The following SOX5 variants were observed in gnomAD, a reference collection of about 807,000 sequenced individuals.
The protein encoded by SOX5 is SRY-box transcription factor 5.
In SOX5, 9 loss-of-function variants were observed where a neutral mutation model predicts 92.0. The ratio of observed to expected loss-of-function variants is 0.10; its 90% CI spans 0.06 to 0.17. SOX5 has a LOEUF of 0.17. Among genes scored for constraint, SOX5 ranks in the 10% least tolerant of loss-of-function variants. The pLI is 1.00. For synonymous variants in SOX5, 344 were observed against 336.3 expected (o/e 1.02, Z -0.25); for missense variants, 642 against 944.5 (o/e 0.68, Z 4.20).
intron 10 of SOX5, among the ~76,000 whole-genome samples, chr12:23,574,705 C>CTACA: frequency 6.6e-6 from 1 of 152,244 alleles, no homozygotes; most frequent in African/African-American, 2.4e-5. Flanking sequence ...ACATTTTTTT[C>CTACA]TACAATCTAG....
intron 4 of SOX5, among the ~76,000 whole-genome samples, chr12:24,009,438 A>G (rs1035172551): frequency 6.6e-6 from 1 of 151,136 alleles, no homozygotes; most frequent in African/African-American, 2.4e-5. Context: ...CTATATTTTC[A>G]GGTGTAAAAT....
chr12:23,966,262 G>A (rs1246896061), intron 4 of SOX5, among the ~76,000 whole-genome samples: 1 of 132,816 alleles, frequency 7.5e-6, no homozygotes, highest in East Asian at 2.2e-4. Flanking sequence ...TAAAGGGCCT[G>A]TACTGACTTT....
chr12:24,060,983 A>G (rs1447845978), intron 4 of SOX5, among the ~76,000 whole-genome samples: 2 of 152,176 alleles, frequency 1.3e-5, no homozygotes. Flanking sequence ...ATGATCAAAC[A>G]TATTCAGATT....
chr12:23,978,237 T>C (rs776064267), intron 4 of SOX5, among the ~76,000 whole-genome samples: 1 of 152,198 alleles, frequency 6.6e-6, no homozygotes, highest in African/African-American at 2.4e-5. Flanking sequence ...TGTCTTTCAG[T>C]CATAAAAAAT....
intron 1 of SOX5, among the ~76,000 whole-genome samples, chr12:24,477,865 A>T (rs1377504530): frequency 1.3e-5 from 2 of 152,242 alleles, no homozygotes; most frequent in Admixed American, 1.3e-4. Context: ...TTACAAGCAC[A>T]GTTTCTTTCT....
chr12:23,584,215 T>C, intron 9 of SOX5, among the ~76,000 whole-genome samples: 1 of 151,884 alleles, frequency 6.6e-6, no homozygotes, highest in East Asian at 1.9e-4. Flanking sequence ...AAATACCACA[T>C]GAAGGCACGG....
intron 3 of SOX5, among the ~76,000 whole-genome samples, chr12:24,268,203 T>C (rs901608727): frequency 2.0e-5 from 3 of 152,070 alleles, no homozygotes; most frequent in African/African-American, 7.2e-5. Context: ...ACCCAGAAAA[T>C]AAGTCTAATA....
intron 4 of SOX5, among the ~76,000 whole-genome samples, chr12:24,102,689 T>C (rs1005863286): frequency 2.0e-5 from 3 of 152,236 alleles, no homozygotes; most frequent in African/African-American, 7.2e-5. Context: ...ACAGTTGCAT[T>C]AAAGTCTTCT....
intron 2 of SOX5, among the ~76,000 whole-genome samples, chr12:23,849,146 T>C (rs1331115286): frequency 1.3e-5 from 2 of 152,302 alleles, no homozygotes; most frequent in Non-Finnish European, 2.9e-5. Flanking sequence ...AAAGAAGAGA[T>C]TATATGAAAT....
Position 23,696,059 on chromosome 12 carries a change from A to G in SOX5, c.811-30495T>C, listed in dbSNP as rs111720197. ...TATATATTGCTGGACTTAGTTTGCT[A>G]ACATTGTAAAAAATTTTGCACCTAT... On this transcript the variant is annotated intron_variant, in intron 6 of 14. Transcript: ENST00000451604. 4.7e-3 allele frequency among the ~76,000 whole-genome samples: 712 copies of G among 151,994 alleles called. 6 individuals are homozygous for G. Among genetic ancestry groups the G allele is most frequent in the African/African-American group, 0.016 (677 of 41,476 alleles).
chr12:24,549,959 T>C (rs773370715), intron 1 of SOX5, among the ~76,000 whole-genome samples: 20 of 152,058 alleles, frequency 1.3e-4, no homozygotes, highest in Non-Finnish European at 2.4e-4. Context: ...AAGGGGAAAA[T>C]GCAAGCATCA....
Position 24,428,726 on chromosome 12 carries a change from C to CAAAAAAAAAAAAAAAAAAAAA in SOX5, c.-250-60108_-250-60088dup, listed in dbSNP as rs57964050. On this transcript the variant is annotated intron_variant, in intron 1 of 4. Transcript: ENST00000446891. ...GGCAACAGAGTGAGACTCTGTTTCT[C>CAAAAAAAAAAAAAAAAAAAAA]AAAAAAAAAAAAAAAAAAAAAAAAA... Among the ~76,000 whole-genome samples, 49 of 32,596 alleles carry CAAAAAAAAAAAAAAAAAAAAA rather than the reference C, an allele frequency of 1.5e-3. 8 individuals are homozygous for CAAAAAAAAAAAAAAAAAAAAA. Among genetic ancestry groups the CAAAAAAAAAAAAAAAAAAAAA allele is most frequent in the Non-Finnish European group, 2.1e-3 (42 of 19,602 alleles). The allele number at this position is 32,596 out of a possible 152,430, so 21.4% of individuals were successfully genotyped here. A position where few individuals can be genotyped will look rare whatever the true frequency, so the allele number is the denominator to read the frequency against.
At chr12:24,469,464 A>G (rs1337820039) in intron 1 of SOX5, among the ~76,000 whole-genome samples, 2 of 152,006 alleles carry the variant, frequency 1.3e-5, no homozygotes, top group African/African-American at 4.8e-5. Context: ...CTCTTTATTT[A>G]CGGGTTGGGT....
In SOX5 at chr12:23,539,359, C is replaced by T. The variant is rs1941394034; in HGVS notation, c.1772-2690G>A. Among the ~76,000 whole-genome samples the T allele has an allele frequency of 1.3e-5, 2 of 151,980 alleles. 1 individual carries two copies. Among genetic ancestry groups the T allele is most frequent in the South Asian group, 4.1e-4 (2 of 4,820 alleles). On this transcript the variant is annotated intron_variant, in intron 13 of 14. Coordinates refer to ENST00000451604, the MANE Select transcript of SOX5 (RefSeq NM_006940.6). Reference sequence around the variant, plus strand: ...TGTCTCTTTGCAGCTTATATTCAGTCAGGGAATATACATTAAATATCTAAT... The same window carrying T: ...TGTCTCTTTGCAGCTTATATTCAGTTAGGGAATATACATTAAATATCTAAT...
At chr12:24,522,152 C>A (rs893050282) in intron 1 of SOX5, among the ~76,000 whole-genome samples, 1 of 150,154 alleles carries the variant, frequency 6.7e-6, no homozygotes, top group Non-Finnish European at 1.5e-5. Flanking sequence ...CAATTAAATG[C>A]CAACAAAGTG....
At chr12:23,778,512 A>G (rs1039976563) in intron 3 of SOX5, among the ~76,000 whole-genome samples, 2 of 152,188 alleles carry the variant, frequency 1.3e-5, no homozygotes, top group Admixed American at 1.3e-4. Flanking sequence ...AGGGCATAAA[A>G]TGGGTATCTT....
At chr12:24,252,033 G>C (rs1483779590) in intron 3 of SOX5, among the ~76,000 whole-genome samples, 1 of 151,404 alleles carries the variant, frequency 6.6e-6, no homozygotes, top group Non-Finnish European at 1.5e-5. Context: ...TTTTCATTCT[G>C]CAAATCTTAA....
intron 3 of SOX5, among the ~76,000 whole-genome samples, chr12:23,828,987 G>A (rs2096273754): frequency 1.3e-5 from 2 of 152,114 alleles, no homozygotes. Context: ...AACATCAAGA[G>A]TAGTTCAGAT....
intron 4 of SOX5, among the ~76,000 whole-genome samples, chr12:24,017,795 C>T (rs1224520556): frequency 1.3e-5 from 2 of 152,124 alleles, no homozygotes. Flanking sequence ...ACTTCCCTAT[C>T]ACCGTCACTT....
Sources: gnomAD v4.1 joint callset for allele counts (sites outside exome capture counted in the v4.1 genomes callset) on GRCh38, gnomAD v4.1.1 for gene constraint, MANE v1.5 for transcripts, NCBI Gene and HGNC (gene_info 2026-07-23, HGNC 2026-07-21) for gene names.